Variants in C19orf38 observed in about 807,000 individuals in gnomAD.
C19orf38 encodes protein HIDE1.
Under a neutral mutation model 26.6 loss-of-function variants are expected in C19orf38, and 14 were observed. The ratio of observed to expected loss-of-function variants is 0.53; its 90% CI spans 0.35 to 0.82. The LOEUF is 0.82. Among genes scored for constraint, C19orf38 ranks in the 40% least tolerant of loss-of-function variants. The pLI is 0.01. For missense variants in C19orf38, 261 were observed against 299.5 expected (o/e 0.87, Z 0.95); for synonymous variants, 132 against 128.5 (o/e 1.03, Z -0.18).
At chr19:10,867,619 GA>G (rs1193241167) in intron 6 of C19orf38, among the ~76,000 whole-genome samples, 2 of 70,836 alleles carry the variant, frequency 2.8e-5, no homozygotes, top group African/African-American at 5.3e-5. Flanking sequence ...CTCCATCTCA[GA>G]AAAAAAAAAG....
intron 2 of C19orf38, among the ~76,000 whole-genome samples, chr19:10,854,452 T>A (rs1219910268): frequency 6.6e-6 from 1 of 152,242 alleles, no homozygotes; most frequent in Non-Finnish European, 1.5e-5. Context: ...AGGGCAGTTC[T>A]CTGTCCTTCC....
Position 10,856,266 on chromosome 19 carries a change from GC to G in C19orf38, c.345del (p.Thr116LeufsTer8). On this transcript the variant is annotated frameshift_variant and splice_region_variant, in exon 3 of 7. Transcript: ENST00000397820. LOFTEE classifies it high-confidence loss of function. ...SEPVNVSFPV[P>X]TWILVLSLSL... Reference sequence around the variant, plus strand: ...CTCTCTTTTCTGATTTTCCTCCAGTGCCCACTTGGATCTTGGTGCTCTCCCT... The same window carrying G: ...CTCTCTTTTCTGATTTTCCTCCAGTGCCACTTGGATCTTGGTGCTCTCCCT... 6.5e-7 allele frequency: 1 copy of G among 1,550,302 alleles called. No individual in the cohort carries two copies. The highest frequency in any genetic ancestry group is 8.7e-7 in the Non-Finnish European group (1 of 1,145,918).
At chr19:10,838,937 C>CAT (rs1308329031) in intron 1 of C19orf38, among the ~76,000 whole-genome samples, 1 of 149,572 alleles carries the variant, frequency 6.7e-6, no homozygotes, top group Admixed American at 6.7e-5. Context: ...TTTTTTGAGA[C>CAT]AGAGTCTTGC....
At chr19:10,866,203 A>C (rs2073749570) in intron 6 of C19orf38, among the ~76,000 whole-genome samples, 1 of 143,614 alleles carries the variant, frequency 7.0e-6, no homozygotes, top group Admixed American at 7.0e-5. Flanking sequence ...ATGCCTGGCT[A>C]ATTTTTTTTT....
Position 10,865,947 on chromosome 19 carries a change from G to C in C19orf38, c.543+2740G>C, listed in dbSNP as rs529304225. Among the ~76,000 whole-genome samples the C allele has an allele frequency of 9.2e-5, 14 of 151,738 alleles. 1 individual carries two copies. The South Asian group carries it at 2.7e-3, about 29-fold the overall frequency. ...CCAGCCTCAGCCTCCCGAGTAGCTG[G>C]GACCACAGACTTCCACCACCATGCC... is the stretch of plus-strand genomic sequence containing the variant. On this transcript the variant is annotated intron_variant, in intron 6 of 6. Coordinates refer to ENST00000397820, the MANE Select transcript of C19orf38 (RefSeq NM_001136482.3).
Position 10,850,432 on chromosome 19 carries a change from G to C in C19orf38, c.205G>C (p.Gly69Arg). Residue 69 changes from glycine (G) to arginine (R), a missense_variant, in exon 2 of 7, where the codon GGG becomes CGG. By Grantham distance (125) the Gly-to-Arg change is moderately radical (BLOSUM62 -2). Transcript: ENST00000397820. ...CCTGCAGGCCCCCACGGACCAGCGC[G>C]GGGTGACATTTAACCTGAGCGGCGG... ...QLLQAPTDQR[G>R]VTFNLSGGSS... 4.5e-6 allele frequency: 7 copies of C among 1,551,404 alleles called. No individual in the cohort carries two copies. Among genetic ancestry groups the C allele is most frequent in the Non-Finnish European group, 6.1e-6 (7 of 1,146,854 alleles).
At chr19:10,858,028 G>A (rs2073648550) in intron 3 of C19orf38, among the ~76,000 whole-genome samples, 1 of 151,672 alleles carries the variant, frequency 6.6e-6, no homozygotes, top group East Asian at 1.9e-4. Context: ...TCAGGAGTTC[G>A]AGACCAGTCT....
intron 6 of C19orf38, among the ~76,000 whole-genome samples, chr19:10,865,060 G>T (rs971478826): frequency 2.0e-5 from 3 of 152,156 alleles, no homozygotes; most frequent in African/African-American, 7.2e-5. Context: ...GGCAGGCAGG[G>T]CTCAATCTAA....
intron 3 of C19orf38, among the ~76,000 whole-genome samples, 170 bp downstream of exon 3, chr19:10,856,527 A>T (rs2073627645): frequency 6.6e-6 from 1 of 152,148 alleles, no homozygotes; most frequent in African/African-American, 2.4e-5. Context: ...CTTTTCAGAC[A>T]GAGGCTCGCT....
At chr19:10,840,642 C>T (rs2073471944) in intron 1 of C19orf38, among the ~76,000 whole-genome samples, 1 of 152,240 alleles carries the variant, frequency 6.6e-6, no homozygotes, top group African/African-American at 2.4e-5. Flanking sequence ...CCTCAGCCTC[C>T]TGAGTAGGTG....
intron 1 of C19orf38, among the ~76,000 whole-genome samples, chr19:10,843,065 TG>T (rs1455883424): frequency 6.6e-6 from 1 of 152,196 alleles, no homozygotes; most frequent in Non-Finnish European, 1.5e-5. Flanking sequence ...TCTTTCAGTG[TG>T]GCTGGATCCG....
chr19:10,869,710 A>C lies in C19orf38; in HGVS notation c.*343A>C. 1 of 265,014 alleles carries C rather than the reference A, an allele frequency of 3.8e-6. No homozygotes were observed. The highest frequency in any genetic ancestry group is 7.1e-6 in the Non-Finnish European group (1 of 141,836). The allele number at this position is 265,014 out of a possible 1,614,324, so 16.4% of individuals were successfully genotyped here. On this transcript the variant is annotated 3_prime_UTR_variant, in exon 7 of 7. Transcript: ENST00000397820. ...TCCTCCCTTCCCCAGTGGGTTTTTG[A>C]GCATAGGGTGCCCTTGGGTGTGTTG...
chr19:10,838,525 G>A (rs1364314064), intron 1 of C19orf38, among the ~76,000 whole-genome samples: 4 of 152,166 alleles, frequency 2.6e-5, no homozygotes, highest in Admixed American at 2.0e-4. Context: ...GCTCAGTAAA[G>A]ATCCCTGTAC....
At chr19:10,848,407 C>A, upstream of C19orf38, 1 of 1,273,430 alleles carries the variant, frequency 7.9e-7, no homozygotes, top group Non-Finnish European at 1.1e-6. Flanking sequence ...CGAGAATCAG[C>A]CCTGGTTCTC....
chr19:10,845,617 C>A (rs960111702), upstream of C19orf38, among the ~76,000 whole-genome samples: 1 of 152,110 alleles, frequency 6.6e-6, no homozygotes. Context: ...CGGTGGCTCA[C>A]GCCTGTAATC....
chr19:10,848,830 G>T (rs1318451090), intron 1 of C19orf38, among the ~76,000 whole-genome samples: 1 of 152,012 alleles, frequency 6.6e-6, no homozygotes, highest in Admixed American at 6.6e-5. Context: ...GTCTCTGAAG[G>T]CTCCTTGAGT....
At position 10,850,387 on chromosome 19, in the gene C19orf38, G is replaced by T. The variant is rs534745530; in HGVS notation, c.160G>T (p.Gly54Trp). Reference sequence around the variant, plus strand: ...GGGGGCGAATTTCACACTGTATCGAGGGGGGCAGGTGGTCCAGCTCCTGCA... The same window carrying T: ...GGGGGCGAATTTCACACTGTATCGATGGGGGCAGGTGGTCCAGCTCCTGCA... ...FPGANFTLYR[G>W]GQVVQLLQAP... is the part of the protein sequence containing the mutation. The change falls in exon 2 of 7, where the codon GGG becomes TGG. Residue 54 changes from glycine to tryptophan, a missense_variant. Physicochemically the swap from Gly to Trp is radical, Grantham distance 184 (BLOSUM62 -2). Coordinates refer to ENST00000397820, the MANE Select transcript of C19orf38 (RefSeq NM_001136482.3). 3 of 1,550,942 alleles carry T rather than the reference G, an allele frequency of 1.9e-6. No homozygotes were observed. Among genetic ancestry groups the T allele is most frequent in the South Asian group, 2.4e-5 (2 of 83,996 alleles).
At chr19:10,857,335 CAT>C (rs1165296899) in intron 3 of C19orf38, among the ~76,000 whole-genome samples, 17 of 68,926 alleles carry the variant, frequency 2.5e-4, no homozygotes, top group South Asian at 1.4e-3. Flanking sequence ...CACACACACA[CAT>C]ACATATATAT....
At chr19:10,836,723 G>C (rs1010778410) in exon 1 of C19orf38, 1 of 153,248 alleles carries the variant, frequency 6.5e-6, no homozygotes, top group African/African-American at 2.4e-5. Context: ...GCGTGGTCCA[G>C]GTTCGACGCC....
Sources: gnomAD v4.1 joint callset for allele counts (sites outside exome capture counted in the v4.1 genomes callset) on GRCh38, gnomAD v4.1.1 for gene constraint, MANE v1.5 for transcripts, NCBI Gene and HGNC (gene_info 2026-07-23, HGNC 2026-07-21) for gene names.